AGBL4: variants seen among roughly 807,000 people sequenced by gnomAD.
The protein encoded by AGBL4 is cytosolic carboxypeptidase 6.
AGBL4 carries 58 observed loss-of-function variants against 66.4 expected under a neutral mutation model. The observed-to-expected ratio is 0.87, with a 90% CI of 0.71 to 1.09. The LOEUF (loss-of-function observed/expected upper bound fraction) is 1.09. Ranked by LOEUF, AGBL4 falls within the 50% of genes least tolerant of loss-of-function variation. The pLI, the probability that AGBL4 is intolerant of heterozygous loss-of-function variation, is 0.00. For synonymous variants in AGBL4, 234 were observed against 222.9 expected (o/e 1.05, Z -0.44); for missense variants, 579 against 631.0 (o/e 0.92, Z 0.88).
chr1:49,168,366 C>T (rs1414583663), intron 4 of AGBL4, among the ~76,000 whole-genome samples: 1 of 152,128 alleles, frequency 6.6e-6, no homozygotes, highest in Non-Finnish European at 1.5e-5. Flanking sequence ...AGAAATAGTC[C>T]AGATGAGAAT....
At chr1:48,534,761 C>T (rs1643941470) in intron 13 of AGBL4, 129 bp downstream of exon 13, 2 of 977,374 alleles carry the variant, frequency 2.0e-6, no homozygotes, top group African/African-American at 3.3e-5. Flanking sequence ...AGCCTCACTG[C>T]CTGAAAATCC....
intron 4 of AGBL4, among the ~76,000 whole-genome samples, chr1:49,107,716 AG>A (rs1645324530): frequency 6.6e-6 from 1 of 151,102 alleles, no homozygotes; most frequent in Non-Finnish European, 1.5e-5. Flanking sequence ...AGAGAGAGAG[AG>A]AGAGAGAGAG....
chr1:49,821,055 T>A (rs1229970479), intron 2 of AGBL4, among the ~76,000 whole-genome samples: 2 of 152,188 alleles, frequency 1.3e-5, no homozygotes, highest in Admixed American at 1.3e-4. Flanking sequence ...TTCTTGCTGT[T>A]GTTATTACTT....
intron 7 of AGBL4, among the ~76,000 whole-genome samples, chr1:48,661,132 T>A (rs1343675548): frequency 6.6e-6 from 1 of 152,038 alleles, no homozygotes; most frequent in Non-Finnish European, 1.5e-5. Context: ...AAAACAAATA[T>A]GAGTCAAGTA....
intron 3 of AGBL4, among the ~76,000 whole-genome samples, chr1:49,652,195 T>A (rs1646021282): frequency 6.6e-6 from 1 of 152,104 alleles, no homozygotes; most frequent in Non-Finnish European, 1.5e-5. Context: ...AACATAAGAT[T>A]ATGGAAAATT....
intron 4 of AGBL4, among the ~76,000 whole-genome samples, chr1:49,110,365 G>T (rs755114671): frequency 3.3e-4 from 51 of 152,246 alleles, no homozygotes; most frequent in Middle Eastern, 3.4e-3. Context: ...TGTTATCACT[G>T]AAACAATTAT....
chr1:48,920,091 T>C lies in AGBL4; in HGVS notation c.595-52861A>G, dbSNP rs527652606. 2.0e-5 allele frequency among the ~76,000 whole-genome samples: 3 copies of C among 152,326 alleles called. No homozygotes were observed. In the East Asian group the frequency reaches 5.8e-4, roughly 29 times the overall value. On this transcript the variant is annotated intron_variant, in intron 5 of 13. Transcript: ENST00000371839. ...GGCAGACTCTTGGCTGAAGATAGAT[T>C]GGCTCTGGTAGGTGAATACCATTGT...
At chr1:49,602,816 A>C (rs1644986119) in intron 3 of AGBL4, among the ~76,000 whole-genome samples, 1 of 134,632 alleles carries the variant, frequency 7.4e-6, no homozygotes, top group Admixed American at 8.1e-5. Context: ...CCAGAACTTA[A>C]AGTACAATAA....
chr1:48,879,872 T>C (rs1434422487), intron 5 of AGBL4, among the ~76,000 whole-genome samples: 1 of 152,166 alleles, frequency 6.6e-6, no homozygotes, highest in Non-Finnish European at 1.5e-5. Flanking sequence ...GATCATAGTA[T>C]ACAGTATTAC....
chr1:49,921,686 A>T (rs894651388), intron 1 of AGBL4, among the ~76,000 whole-genome samples: 1 of 152,194 alleles, frequency 6.6e-6, no homozygotes, highest in Non-Finnish European at 1.5e-5. Context: ...AAGAGTCCAA[A>T]AGTCGAAGAA....
chr1:48,906,986 T>C (rs12117034), intron 5 of AGBL4, among the ~76,000 whole-genome samples: 2 of 152,200 alleles, frequency 1.3e-5, no homozygotes, highest in East Asian at 1.9e-4. Flanking sequence ...GTATGGAATA[T>C]GGTCTTGAGG....
At chr1:49,952,444 A>G (rs1656243274) in intron 1 of AGBL4, among the ~76,000 whole-genome samples, 1 of 151,970 alleles carries the variant, frequency 6.6e-6, no homozygotes, top group Admixed American at 6.6e-5. Flanking sequence ...CATTCAATAT[A>G]ATTTACTAAG....
At chr1:49,405,135 C>G (rs867474492) in intron 3 of AGBL4, among the ~76,000 whole-genome samples, 21 of 152,172 alleles carry the variant, frequency 1.4e-4, no homozygotes, top group African/African-American at 5.1e-4. Context: ...TCACCCTCAC[C>G]TCCATACTCA....
chr1:49,985,784 G>A (rs567139552), intron 1 of AGBL4, among the ~76,000 whole-genome samples: 5 of 152,008 alleles, frequency 3.3e-5, no homozygotes, highest in Non-Finnish European at 7.4e-5. Context: ...ATAAGAACAG[G>A]TGCAATTATA....
chr1:49,686,119 T>TA (rs771785099), intron 3 of AGBL4, among the ~76,000 whole-genome samples: 5 of 152,222 alleles, frequency 3.3e-5, no homozygotes, highest in Non-Finnish European at 5.9e-5. Context: ...TGCAGATGGC[T>TA]AGACAGTTAT....
intron 6 of AGBL4, among the ~76,000 whole-genome samples, chr1:48,688,313 C>G (rs1646566846): frequency 6.6e-6 from 1 of 152,192 alleles, no homozygotes; most frequent in South Asian, 2.1e-4. Context: ...CTAGAGCTCT[C>G]TCTATTCTCA....
chr1:48,947,126 A>C (rs893057581), intron 5 of AGBL4, among the ~76,000 whole-genome samples: 3 of 152,192 alleles, frequency 2.0e-5, no homozygotes, highest in African/African-American at 7.2e-5. Flanking sequence ...CCCTCCAGTT[A>C]ACCCTTATTC....
chr1:49,614,871 G>T (rs1341522431), intron 3 of AGBL4, among the ~76,000 whole-genome samples: 1 of 152,070 alleles, frequency 6.6e-6, no homozygotes, highest in Non-Finnish European at 1.5e-5. Flanking sequence ...AGGTGTACAA[G>T]TGCCTCAAGG....
chr1:50,012,403 C>T (rs1196258207), intron 1 of AGBL4, among the ~76,000 whole-genome samples: 2 of 152,078 alleles, frequency 1.3e-5, no homozygotes, highest in Non-Finnish European at 2.9e-5. Flanking sequence ...ATAACCCATT[C>T]TCCTTGATGT....
Sources: allele counts gnomAD v4.1 joint callset (sites outside exome capture counted in the v4.1 genomes callset), GRCh38; gene constraint gnomAD v4.1.1; transcripts MANE v1.5; gene names NCBI Gene and HGNC (gene_info 2026-07-23, HGNC 2026-07-21).